Variants in CHRNA7 observed in about 807,000 individuals in gnomAD.
The protein encoded by CHRNA7 is cholinergic receptor nicotinic alpha 7 subunit.
A neutral mutation model predicts 48.0 loss-of-function variants in CHRNA7; 17 were observed. The observed-to-expected ratio is 0.35, with a 90% confidence interval of 0.24 to 0.53. The LOEUF (loss-of-function observed/expected upper bound fraction) is 0.53, where lower values mean the gene tolerates loss of function less well. CHRNA7 is among the 20% of genes least tolerant of loss of function. The pLI is 0.92. For missense variants in CHRNA7, 155 were observed against 577.7 expected (o/e 0.27, Z 7.50); for synonymous variants, 75 against 242.3 (o/e 0.31, Z 6.41).
At chr15:32,106,983 T>C (rs8026373) in intron 3 of CHRNA7, among the ~76,000 whole-genome samples, 151,980 of 152,300 alleles carry the variant, frequency 1, 75,832 homozygotes, top group East Asian at 1. Context: ...AGGGCTGTGA[T>C]GGCATCTCAA....
At chr15:32,116,682 A>AT (rs534992106) in intron 4 of CHRNA7, among the ~76,000 whole-genome samples, 113 of 152,320 alleles carry the variant, frequency 7.4e-4, no homozygotes, top group African/African-American at 2.6e-3. Flanking sequence ...AACTCTGCGG[A>AT]TGCCCCTACA....
chr15:32,067,988 T>C (rs2049992898), intron 2 of CHRNA7, among the ~76,000 whole-genome samples: 1 of 152,104 alleles, frequency 6.6e-6, no homozygotes, highest in African/African-American at 2.4e-5. Context: ...ACAAGGCATG[T>C]AGAAAATCAT....
At chr15:32,042,756 G>A (rs1005809631) in intron 2 of CHRNA7, among the ~76,000 whole-genome samples, 1 of 152,052 alleles carries the variant, frequency 6.6e-6, no homozygotes, top group African/African-American at 2.4e-5. Context: ...CTCTTAGTTG[G>A]GCTCCAAGAA....
intron 2 of CHRNA7, among the ~76,000 whole-genome samples, chr15:32,086,500 C>T (rs1039155432): frequency 6.6e-6 from 1 of 152,076 alleles, no homozygotes; most frequent in African/African-American, 2.4e-5. Context: ...TGTGAGTATC[C>T]TCTTGCATCA....
chr15:32,132,740 T>C (rs1210170165), intron 4 of CHRNA7, among the ~76,000 whole-genome samples: 1 of 152,134 alleles, frequency 6.6e-6, no homozygotes, highest in Non-Finnish European at 1.5e-5. Flanking sequence ...CCTATCAGAA[T>C]AGGGCTCTAC....
At chr15:32,141,478 T>C (rs927379721) in intron 4 of CHRNA7, among the ~76,000 whole-genome samples, 3 of 152,238 alleles carry the variant, frequency 2.0e-5, no homozygotes, top group African/African-American at 7.2e-5. Flanking sequence ...GGTAGCTTGA[T>C]GGGGATGGCA....
At chr15:32,053,214 T>G (rs1003283419) in intron 2 of CHRNA7, among the ~76,000 whole-genome samples, 5 of 152,208 alleles carry the variant, frequency 3.3e-5, no homozygotes, top group African/African-American at 1.2e-4. Context: ...AAATGTTGCC[T>G]TTCAAGGCTA....
At position 32,148,301 on chromosome 15, in the gene CHRNA7, A is replaced by G. The variant is rs192939669; in HGVS notation, c.351-5606A>G. Among the ~76,000 whole-genome samples the G allele has an allele frequency of 3.1e-3, 465 of 152,098 alleles. 3 individuals carry two copies. Among genetic ancestry groups the G allele is most frequent in the Admixed American group, 7.3e-3 (111 of 15,286 alleles). ...GAGTTGGTCTTGCTGGACTTCTTTG[A>G]TGGCTGGACCCCTGGCTTTTTCTCT... On this transcript the variant is annotated intron_variant, in intron 4 of 9. Transcript: ENST00000306901.
At chr15:32,097,566 G>T (rs899219835) in intron 2 of CHRNA7, among the ~76,000 whole-genome samples, 1 of 152,110 alleles carries the variant, frequency 6.6e-6, no homozygotes, top group Non-Finnish European at 1.5e-5. Context: ...ACTTCCAGCC[G>T]CCAGAACTGT....
At chr15:32,143,201 G>A (rs955600273) in intron 4 of CHRNA7, among the ~76,000 whole-genome samples, 9 of 152,186 alleles carry the variant, frequency 5.9e-5, no homozygotes, top group Non-Finnish European at 1.3e-4. Flanking sequence ...TCAGGAGCCC[G>A]TTGTTCAGTT....
chr15:32,146,528 G>GA (rs1339200169), intron 4 of CHRNA7, among the ~76,000 whole-genome samples: 1 of 152,046 alleles, frequency 6.6e-6, no homozygotes, highest in Admixed American at 6.5e-5. Context: ...AGACTGTCTA[G>GA]AAAAAATATA....
intron 3 of CHRNA7, among the ~76,000 whole-genome samples, chr15:32,106,391 GA>G (rs374965558): frequency 5.9e-5 from 9 of 152,024 alleles, no homozygotes; most frequent in East Asian, 1.9e-4. Context: ...GTAAAAAAAA[GA>G]AAAAAACTCT....
chr15:32,148,569 G>A (rs1174981305), intron 4 of CHRNA7, among the ~76,000 whole-genome samples: 1 of 152,196 alleles, frequency 6.6e-6, no homozygotes, highest in African/African-American at 2.4e-5. Context: ...GGGATGTGGA[G>A]GAAGGAAAGG....
chr15:32,139,665 C>T lies in CHRNA7; in HGVS notation c.351-14242C>T, dbSNP rs554767415. Among the ~76,000 whole-genome samples, 5 of 151,752 alleles carry T rather than the reference C, an allele frequency of 3.3e-5. No individual in the cohort carries two copies. In the East Asian group the frequency reaches 7.8e-4, roughly 24 times the overall value. On this transcript the variant is annotated intron_variant, in intron 4 of 9. Coordinates refer to ENST00000306901, the MANE Select transcript of CHRNA7 (RefSeq NM_000746.6). Reference sequence around the variant, plus strand: ...CTTTGCCATCTCTATATTGTCTTTGCTCAGGTGTCTGTTAAGGTCTTTGGC... The same window carrying T: ...CTTTGCCATCTCTATATTGTCTTTGTTCAGGTGTCTGTTAAGGTCTTTGGC...
chr15:32,132,214 A>G (rs2051168734), intron 4 of CHRNA7, among the ~76,000 whole-genome samples: 1 of 152,074 alleles, frequency 6.6e-6, no homozygotes, highest in Admixed American at 6.5e-5. Context: ...TCTCCTGACC[A>G]TTTGGCGAGA....
At chr15:32,041,736 T>TGATATTCGAC (rs1566796016) in intron 2 of CHRNA7, among the ~76,000 whole-genome samples, 2 of 152,278 alleles carry the variant, frequency 1.3e-5, no homozygotes. Flanking sequence ...AAAATTTCGA[T>TGATATTCGAC]TGATATTCCT....
At chr15:32,145,580 T>G (rs1279240185) in intron 4 of CHRNA7, among the ~76,000 whole-genome samples, 1 of 152,186 alleles carries the variant, frequency 6.6e-6, no homozygotes, top group Non-Finnish European at 1.5e-5. Flanking sequence ...CTCCACTCAG[T>G]TCGAGCTTCC....
At chr15:32,048,920 G>A (rs1261407829) in intron 2 of CHRNA7, among the ~76,000 whole-genome samples, 1 of 151,078 alleles carries the variant, frequency 6.6e-6, no homozygotes, top group Non-Finnish European at 1.5e-5. Flanking sequence ...CCTTCATTTC[G>A]TTATGTACCC....
rs1350058064 is a variant in CHRNA7, at chr15:32,149,637, C to G, written c.351-4270C>G. 1.3e-5 allele frequency among the ~76,000 whole-genome samples: 2 copies of G among 152,168 alleles called. No individual in the cohort carries two copies. The highest frequency in any genetic ancestry group is 2.9e-5 in the Non-Finnish European group (2 of 68,026). On this transcript the variant is annotated intron_variant, in intron 4 of 9. Coordinates refer to ENST00000306901, the MANE Select transcript of CHRNA7 (RefSeq NM_000746.6). This position sits in a 1 kb window ranked among gnomAD's most constrained non-coding sequence, Gnocchi z 4.6. ...TGGGAAAGAAGCGTAAAACTACCAT[C>G]ATGGGTATTAAGATTTGGATTTTGA... is the stretch of plus-strand genomic sequence containing the variant.
Sources: allele counts gnomAD v4.1 joint callset (sites outside exome capture counted in the v4.1 genomes callset), GRCh38; gene constraint gnomAD v4.1.1; non-coding constraint Gnocchi (gnomAD v3.1); transcripts MANE v1.5; gene names NCBI Gene and HGNC (gene_info 2026-07-23, HGNC 2026-07-21).